The following KRT81 variants were observed in gnomAD, a reference collection of about 807,000 sequenced individuals.
The protein encoded by KRT81 is keratin, type II cuticular Hb1.
KRT81 carries 35 observed loss-of-function variants against 35.8 expected under a neutral mutation model. The ratio of observed to expected loss-of-function variants is 0.98; its 90% CI spans 0.75 to 1.30. The LOEUF (loss-of-function observed/expected upper bound fraction) is 1.30, where lower values mean the gene tolerates loss of function less well. Among genes scored for constraint, KRT81 ranks in the 50% most tolerant of loss-of-function variants. KRT81 has a pLI of 0.00. For missense variants in KRT81, 531 were observed against 577.4 expected, an observed-to-expected ratio of 0.92 and a Z score of 0.82; for synonymous variants, 249 against 251.2, an observed-to-expected ratio of 0.99 and a Z score of 0.08.
chr12:52,287,550 G>C, intron 6 of KRT81, 46 bp downstream of exon 6: 2 of 1,613,932 alleles, frequency 1.2e-6, no homozygotes, highest in Non-Finnish European at 1.7e-6. Flanking sequence ...GTGTGACAAT[G>C]GTTAGGCCCT....
rs1413156302 is a variant in KRT81, at chr12:52,291,310, T to C, written c.156A>G (p.Gly52=). 3.2e-6 allele frequency: 5 copies of C among 1,545,816 alleles called. No individual in the cohort carries two copies. The highest frequency in any genetic ancestry group is 2.4e-5 in the East Asian group (1 of 40,940). Residue 52 remains glycine (G), a synonymous_variant, in exon 1 of 9, where the codon GGA becomes GGG. Coordinates refer to ENST00000327741, the MANE Select transcript of KRT81 (RefSeq NM_002281.4). ...GTCCGCAGGAGCCGGCCCGAAAGCCTCCGCACACGCTGTGGCTGCCGAAGC... is the reference window on the plus strand; with the variant it reads ...GTCCGCAGGAGCCGGCCCGAAAGCCCCCGCACACGCTGTGGCTGCCGAAGC... ...TGGFGSHSVC[G]GFRAGSCGRS...
At chr12:52,288,579 T>C in intron 3 of KRT81, 123 bp from the exon 4 acceptor site, 2 of 1,159,192 alleles carry the variant, frequency 1.7e-6, no homozygotes, top group South Asian at 1.2e-5. Flanking sequence ...TTCCCATGCC[T>C]TTCCTCCCCT....
chr12:52,288,648 C>T (rs1938045779), intron 3 of KRT81, among the ~76,000 whole-genome samples, 192 bp from the exon 4 acceptor site: 2 of 152,114 alleles, frequency 1.3e-5, no homozygotes, highest in Non-Finnish European at 2.9e-5. Flanking sequence ...ACCCTGTTTG[C>T]CTTGACCATG....
chr12:52,287,346 G>C, intron 6 of KRT81, 24 bp from the exon 7 acceptor site: 1 of 1,613,554 alleles, frequency 6.2e-7, no homozygotes, highest in Non-Finnish European at 8.5e-7. Flanking sequence ...AAAGAACAAG[G>C]TAGATTAGAG....
At chr12:52,286,522 T>G in intron 8 of KRT81, 29 bp from the exon 9 acceptor site, 2 of 1,548,616 alleles carry the variant, frequency 1.3e-6, no homozygotes, top group Non-Finnish European at 1.7e-6. Flanking sequence ...GAGTCAAAAT[T>G]CTGAAGGGCA....
intron 5 of KRT81, 125 bp downstream of exon 5, chr12:52,287,859 C>T: frequency 6.2e-7 from 1 of 1,601,410 alleles, no homozygotes. Context: ...ACCCCAACCT[C>T]AGATTGGCAG....
chr12:52,286,861 C>A (rs370632532), intron 7 of KRT81, 39 bp from the exon 8 acceptor site: 1 of 1,611,466 alleles, frequency 6.2e-7, no homozygotes, highest in African/African-American at 1.3e-5. Flanking sequence ...TAGTGACTGC[C>A]CCAGAGTGGC....
Position 52,289,058 on chromosome 12 carries a change from GA to G in KRT81, c.639+156del, listed in dbSNP as rs1299869602. 2.8e-5 allele frequency among the ~76,000 whole-genome samples: 3 copies of G among 107,926 alleles called. No individual in the cohort carries two copies. In the East Asian group the frequency reaches 7.8e-4, roughly 28 times the overall value. 70.8% of individuals were successfully genotyped at this position (107,926 alleles called of 152,430 possible). A position where few individuals can be genotyped will look rare whatever the true frequency, so the allele number is the denominator to read the frequency against. On this transcript the variant is annotated intron_variant, in intron 3 of 8. Transcript: ENST00000327741. ...GTCATTGCCCTTTGTCAAGGCCCTG[GA>G]TGCTCAATACAAAGGCCTGCATCTG...
chr12:52,287,346 G>A (rs1230561556), intron 6 of KRT81, 24 bp from the exon 7 acceptor site: 2 of 1,613,436 alleles, frequency 1.2e-6, no homozygotes, highest in Admixed American at 1.7e-5. Context: ...AAAGAACAAG[G>A]TAGATTAGAG....
rs1291170883 is a variant in KRT81, at chr12:52,286,245, G to A, written c.*10C>T. 6.4e-7 allele frequency: 1 copy of A among 1,552,326 alleles called. No homozygotes were observed. The highest frequency in any genetic ancestry group is 2.4e-5 in the East Asian group (1 of 41,488). ...AAGATGCCTGGGGCCTGGGACTTGA[G>A]TTGGGGTGCCTAACATTTCCGGCAG... On this transcript the variant is annotated 3_prime_UTR_variant, in exon 9 of 9. Coordinates refer to ENST00000327741, the MANE Select transcript of KRT81 (RefSeq NM_002281.4).
chr12:52,291,525 A>G lies in KRT81; in HGVS notation c.-60T>C. On this transcript the variant is annotated 5_prime_UTR_variant, in exon 1 of 9. Coordinates refer to ENST00000327741, the MANE Select transcript of KRT81 (RefSeq NM_002281.4). ...ATAGGGGACCTGGAGTCCTGATGGA[A>G]ACTCCAATGTGCTCCTCAGGGCACC... The G allele has an allele frequency of 6.2e-7, 1 of 1,601,756 alleles. No homozygotes were observed. The highest frequency in any genetic ancestry group is 8.5e-7 in the Non-Finnish European group (1 of 1,173,026).
rs1011004619 is a variant in KRT81, at chr12:52,286,452, A to G, written c.1321T>C (p.Cys441Arg). Residue 441 changes from cysteine (C) to arginine (R), a missense_variant, in exon 9 of 9, where the codon TGC becomes CGC. This residue lies in a region of KRT81 where 150 missense variants were observed against 145.4 expected (regional missense o/e 1.03). Transcript: ENST00000327741. ...GTCACTGGCCGGGAGCCTGACACGC[A>G]GAGGTCCCCGCACACGACCCCGCCC... ...SRGGVVCGDL[C>R]VSGSRPVTGS... is the part of the protein sequence containing the mutation. 5 of 1,552,752 alleles carry G rather than the reference A, an allele frequency of 3.2e-6. No individual in the cohort carries two copies. Among genetic ancestry groups the G allele is most frequent in the African/African-American group, 2.7e-5 (2 of 73,126 alleles).
chr12:52,288,325 G>C, intron 4 of KRT81, 36 bp downstream of exon 4: 1 of 1,612,946 alleles, frequency 6.2e-7, no homozygotes, highest in African/African-American at 1.3e-5. Context: ...CCTCTCTGCT[G>C]GCTGCCAGGT....
chr12:52,288,198 C>T (rs769364519), intron 4 of KRT81, 50 bp from the exon 5 acceptor site: 1 of 1,598,306 alleles, frequency 6.3e-7, no homozygotes, highest in Non-Finnish European at 8.6e-7. Flanking sequence ...GCCCCACCCA[C>T]CATGTCCTGA....
rs1938017677 is a variant in KRT81, at chr12:52,288,091, T to C, written c.793A>G (p.Asn265Asp). The change falls in exon 5 of 9, where the codon AAC (asparagine) becomes GAC (aspartate). Residue 265 changes from asparagine to aspartate, a missense_variant. By Grantham distance (23) the Asn-to-Asp change is conservative. Around this residue, in one of 5 missense-constraint regions of KRT81, gnomAD observed 194 missense variants for 198.2 expected, o/e 0.98. Transcript: ENST00000327741. The part of the protein sequence containing the change: ...SDTSVVVKLD[N>D]SRDLNMDCII... ...CAGTCCATGTTCAGGTCCCGGCTGT[T>C]GTCCAGCTTGACAACCACGGAGGTG... The C allele has an allele frequency of 6.2e-7, 1 of 1,614,068 alleles. No individual in the cohort carries two copies. The highest frequency in any genetic ancestry group is 8.5e-7 in the Non-Finnish European group (1 of 1,180,030).
In KRT81 at chr12:52,286,024, G is replaced by A; in HGVS notation, c.*231C>T. The A allele has an allele frequency of 1.7e-6, 1 of 574,340 alleles. No individual in the cohort carries two copies. Among genetic ancestry groups the A allele is most frequent in the Non-Finnish European group, 3.1e-6 (1 of 321,374 alleles). The allele number at this position is 574,340 out of a possible 1,614,324, so 35.6% of individuals were successfully genotyped here. On this transcript the variant is annotated 3_prime_UTR_variant, in exon 9 of 9. Transcript: ENST00000327741. ...GGTCCTGGCCCTTCCTGCTCCTGAGGCCCCTTCCTATGGGTGCCAGCGGAC... is the reference window on the plus strand; with the variant it reads ...GGTCCTGGCCCTTCCTGCTCCTGAGACCCCTTCCTATGGGTGCCAGCGGAC...
chr12:52,286,226 C>T lies in KRT81; in HGVS notation c.*29G>A, dbSNP rs1476383409. On this transcript the variant is annotated 3_prime_UTR_variant, in exon 9 of 9. Transcript: ENST00000327741. ...CAAGCAAGGCAGGGCAGGAAAGATG[C>T]CTGGGGCCTGGGACTTGAGTTGGGG... The T allele has an allele frequency of 6.5e-7, 1 of 1,540,128 alleles. No individual in the cohort carries two copies. The highest frequency in any genetic ancestry group is 2.4e-5 in the East Asian group (1 of 41,334).
At chr12:52,287,345 G>A (rs1351837574) in intron 6 of KRT81, 23 bp from the exon 7 acceptor site, 3 of 1,613,718 alleles carry the variant, frequency 1.9e-6, no homozygotes, top group East Asian at 2.2e-5. Flanking sequence ...GAAAGAACAA[G>A]GTAGATTAGA....
chr12:52,287,008 C>G (rs1044307771), intron 7 of KRT81, 94 bp downstream of exon 7: 1 of 1,606,028 alleles, frequency 6.2e-7, no homozygotes, highest in Non-Finnish European at 8.5e-7. Context: ...ATTTTTTTCC[C>G]CCAGAGCCCT....
Sources: allele counts gnomAD v4.1 joint callset (sites outside exome capture counted in the v4.1 genomes callset), GRCh38; gene constraint gnomAD v4.1.1; regional missense constraint gnomAD v4.1.1; transcripts MANE v1.5; gene names NCBI Gene and HGNC (gene_info 2026-07-23, HGNC 2026-07-21).